CELSR3: variants seen among roughly 807,000 people sequenced by gnomAD.
The protein encoded by CELSR3 is EGF-like protein 1.
Under a neutral mutation model 270.0 loss-of-function variants are expected in CELSR3, and 73 were observed. The ratio of observed to expected loss-of-function variants is 0.27; its 90% CI spans 0.22 to 0.33. The LOEUF (loss-of-function observed/expected upper bound fraction) is 0.33. Among genes scored for constraint, CELSR3 ranks in the 10% least tolerant of loss-of-function variants. The probability of loss-of-function intolerance (pLI) is 1.00; values close to 1 mark genes in which losing one functional copy is unlikely to be tolerated. For synonymous variants in CELSR3, 1,780 were observed against 1,905.4 expected (o/e 0.93, Z 1.71); for missense variants, 3,614 against 4,533.8 (o/e 0.80, Z 5.83).
chr3:48,639,662 G>T lies in CELSR3; in HGVS notation c.9911+12C>A. Reference sequence around the variant, plus strand: ...TGATGAGGGTGCAAGCAGGTGGCTGGACCATACTTACTCTGAGTCTGGCGA... The same window carrying T: ...TGATGAGGGTGCAAGCAGGTGGCTGTACCATACTTACTCTGAGTCTGGCGA... On this transcript the variant is annotated intron_variant, in intron 34 of 34. Transcript: ENST00000164024. This position sits in a 1 kb window ranked among gnomAD's most constrained non-coding sequence, Gnocchi z 4.1. 4 of 1,612,846 alleles carry T rather than the reference G, an allele frequency of 2.5e-6. No homozygotes were observed. The highest frequency in any genetic ancestry group is 3.4e-6 in the Non-Finnish European group (4 of 1,179,652).
chr3:48,656,302 C>A lies in CELSR3; in HGVS notation c.4463G>T (p.Gly1488Val). The change falls in exon 3 of 35, where the codon GGC becomes GTC. Residue 1488 changes from glycine (G) to valine (V), a missense_variant. Coordinates refer to ENST00000164024, the MANE Select transcript of CELSR3 (RefSeq NM_001407.3). ...GCCGTTGGGCGCGTCGGTGCAGGTG[C>A]CCCCGTTGCGGCAGACGCCCGGCAC... The part of the protein sequence containing the change: ...RCVPGVCRNG[G>V]TCTDAPNGGF... The A allele has an allele frequency of 6.6e-7, 1 of 1,505,610 alleles. No homozygotes were observed. The highest frequency in any genetic ancestry group is 8.8e-7 in the Non-Finnish European group (1 of 1,136,308). The allele number at this position is 1,505,610 out of a possible 1,614,324, so 93.3% of individuals were successfully genotyped here.
rs373208615 is a variant in CELSR3, at chr3:48,660,885, T to C, written c.1750A>G (p.Ile584Val). ...KDANGLVHYN[I>V]ISGNSRGHFA... is the part of the protein sequence containing the mutation. The stretch of plus-strand genomic sequence containing the variant: ...TGTCCACGGCTATTGCCACTGATGA[T>C]GTTGTAGTGCACCAATCCGTTGGCG... Residue 584 changes from isoleucine to valine, a missense_variant, in exon 1 of 35, where the codon ATC (isoleucine) becomes GTC (valine). Coordinates refer to ENST00000164024, the MANE Select transcript of CELSR3 (RefSeq NM_001407.3). The surrounding 1 kb of genome is among the most constrained non-coding windows in gnomAD (Gnocchi z 5.5). 6.2e-7 allele frequency: 1 copy of C among 1,613,964 alleles called. No homozygotes were observed. Among genetic ancestry groups the C allele is most frequent in the Non-Finnish European group, 8.5e-7 (1 of 1,180,022 alleles).
chr3:48,641,562 G>A lies in CELSR3; in HGVS notation c.8825-38C>T, dbSNP rs2047026835. 6.8e-7 allele frequency: 1 copy of A among 1,479,804 alleles called. No individual in the cohort carries two copies. Among genetic ancestry groups the A allele is most frequent in the Admixed American group, 1.7e-5 (1 of 58,930 alleles). 91.7% of individuals were successfully genotyped at this position (1,479,804 alleles called of 1,614,324 possible). On this transcript the variant is annotated intron_variant, in intron 32 of 34. Coordinates refer to ENST00000164024, the MANE Select transcript of CELSR3 (RefSeq NM_001407.3). This position sits in a 1 kb window ranked among gnomAD's most constrained non-coding sequence, Gnocchi z 4.8. The stretch of plus-strand genomic sequence containing the variant: ...GTCAGGTTACAGGAGCTTCTGGGTT[G>A]ATCCCAGTGACTCATGACCCCTGAC...
Position 48,648,878 on chromosome 3 carries a change from C to T in CELSR3, c.6618G>A (p.Lys2206=). ...NKTALDTMEA[K]KLAQRLREVT... is the part of the protein sequence containing the mutation. ...CCTCCCGTAGCCGCTGAGCCAGCTT[C>T]TTGGCCTCCATGGTATCCAGTGCCG... Residue 2206 remains lysine (K), a synonymous_variant, in exon 18 of 35, where the codon AAG becomes AAA. Transcript: ENST00000164024. 1 of 1,612,916 alleles carries T rather than the reference C, an allele frequency of 6.2e-7. No individual in the cohort carries two copies. Among genetic ancestry groups the T allele is most frequent in the Non-Finnish European group, 8.5e-7 (1 of 1,180,012 alleles).
In CELSR3 at chr3:48,655,779, G is replaced by A. The variant is rs557008146; in HGVS notation, c.4698C>T (p.Ala1566=). The change falls in exon 4 of 35, where the codon GCC becomes GCT. Residue 1566 remains alanine, a synonymous_variant. Transcript: ENST00000164024. The surrounding 1 kb of genome is among the most constrained non-coding windows in gnomAD (Gnocchi z 5.8). The part of the protein sequence containing the change: ...GRLNEKHDFL[A]LELVAGQVRL... ...GCACTTGGCCAGCCACGAGTTCCAG[G>A]GCCAGGAAGTCGTGCTTCTCGTTCA... 5.3e-5 allele frequency: 86 copies of A among 1,613,498 alleles called. No individual in the cohort carries two copies. The East Asian group carries it at 1.9e-3, about 35-fold the overall frequency.
rs2047088845 is a variant in CELSR3 at position 48,646,832 on chromosome 3, A to G, written c.7226T>C (p.Ile2409Thr). The change falls in exon 21 of 35, where the codon ATT (isoleucine) becomes ACT (threonine). Residue 2409 changes from isoleucine (I) to threonine (T), a missense_variant. By Grantham distance (89) the Ile-to-Thr change is moderately conservative. Around this residue, in one of 7 missense-constraint regions of CELSR3, gnomAD observed 1,240 missense variants for 1,351.7 expected, o/e 0.92. Coordinates refer to ENST00000164024, the MANE Select transcript of CELSR3 (RefSeq NM_001407.3). This position sits in a 1 kb window ranked among gnomAD's most constrained non-coding sequence, Gnocchi z 4.8. ...CCCTAAGGTGCGGTAAACGAGGAGA[A>G]TGATAATGGAGATCCCAGGCTCTGG... ...PEPEPGISII[I>T]LLVYRTLGGL... 1 of 1,603,452 alleles carries G rather than the reference A, an allele frequency of 6.2e-7. No homozygotes were observed. The highest frequency in any genetic ancestry group is 1.7e-5 in the Admixed American group (1 of 58,262).
In CELSR3 at chr3:48,657,062, G is replaced by A. The variant is rs777063350; in HGVS notation, c.4035C>T (p.Pro1345=). Residue 1345 remains proline, a synonymous_variant, in exon 2 of 35, where the codon CCC becomes CCT. Transcript: ENST00000164024. This position sits in a 1 kb window ranked among gnomAD's most constrained non-coding sequence, Gnocchi z 5.4. ...CCTGCAGCTCCTCGGAGCTGAACCA[G>A]GGCCCTGCAGCGCCCGCCCCGGCCC... ...PRGAGAGAAG[P]WFSSEELQEQ... is the part of the protein sequence containing the mutation. 1 of 1,613,762 alleles carries A rather than the reference G, an allele frequency of 6.2e-7. No homozygotes were observed. The highest frequency in any genetic ancestry group is 8.5e-7 in the Non-Finnish European group (1 of 1,179,916).
chr3:48,654,132 T>C lies in CELSR3; in HGVS notation c.5153-129A>G. ...AGCCCCATTTCCCATTTTCTTTCGA[T>C]GAGTGGGGTTGGTAAGAGTCAGGCC... On this transcript the variant is annotated intron_variant, in intron 7 of 34. Coordinates refer to ENST00000164024, the MANE Select transcript of CELSR3 (RefSeq NM_001407.3). This position sits in a 1 kb window ranked among gnomAD's most constrained non-coding sequence, Gnocchi z 5.4. 1 of 1,494,390 alleles carries C rather than the reference T, an allele frequency of 6.7e-7. No individual in the cohort carries two copies. The highest frequency in any genetic ancestry group is 1.3e-5 in the South Asian group (1 of 78,956). 92.6% of individuals were successfully genotyped at this position (1,494,390 alleles called of 1,614,324 possible). A position where few individuals can be genotyped will look rare whatever the true frequency, so the allele number is the denominator to read the frequency against.
chr3:48,641,880 T>G lies in CELSR3; in HGVS notation c.8795A>C (p.Gln2932Pro). The G allele has an allele frequency of 6.5e-7, 1 of 1,527,592 alleles. No homozygotes were observed. Among genetic ancestry groups the G allele is most frequent in the Non-Finnish European group, 8.8e-7 (1 of 1,139,542 alleles). The allele number at this position is 1,527,592 out of a possible 1,614,324, so 94.6% of individuals were successfully genotyped here. The part of the protein sequence containing the change: ...RFQRPLCRAA[Q>P]SERLLTHPKD... ...GGGGTGGGTGAGGAGCCTCTCACTC[T>G]GGGCTGCTCGGCAGAGTGGCCGTTG... Residue 2932 changes from glutamine to proline, a missense_variant, in exon 32 of 35, where the codon CAG (glutamine) becomes CCG (proline). Physicochemically the swap from Gln to Pro is moderately conservative, Grantham distance 76. This residue lies in a region of CELSR3 where 1,240 missense variants were observed against 1,351.7 expected (regional missense o/e 0.92). Transcript: ENST00000164024. The surrounding 1 kb of genome is among the most constrained non-coding windows in gnomAD (Gnocchi z 4.8).
At position 48,660,282 on chromosome 3, in the gene CELSR3, C is replaced by A; in HGVS notation, c.2353G>T (p.Ala785Ser). Residue 785 changes from alanine to serine, a missense_variant, in exon 1 of 35, where the codon GCC becomes TCC. Ala to Ser is a moderately conservative substitution (Grantham distance 99, BLOSUM62 1). Coordinates refer to ENST00000164024, the MANE Select transcript of CELSR3 (RefSeq NM_001407.3). The surrounding 1 kb of genome is among the most constrained non-coding windows in gnomAD (Gnocchi z 5.5). ...VVSVTAVDRD[A>S]NSAISYQITG... Reference sequence around the variant, plus strand: ...ATCTGGTAGCTGATGGCACTGTTGGCATCACGGTCTACTGCGGTCACGCTG... The same window carrying A: ...ATCTGGTAGCTGATGGCACTGTTGGAATCACGGTCTACTGCGGTCACGCTG... 1 of 1,614,156 alleles carries A rather than the reference C, an allele frequency of 6.2e-7. No individual in the cohort carries two copies. Among genetic ancestry groups the A allele is most frequent in the Non-Finnish European group, 8.5e-7 (1 of 1,180,030 alleles).
rs1401036088 is a variant in CELSR3, at chr3:48,641,448, A to G, written c.8901T>C (p.Thr2967=). The G allele has an allele frequency of 6.2e-7, 1 of 1,612,318 alleles. No individual in the cohort carries two copies. The change falls in exon 33 of 35, where the codon ACT becomes ACC. Residue 2967 remains threonine (T), a synonymous_variant. Coordinates refer to ENST00000164024, the MANE Select transcript of CELSR3 (RefSeq NM_001407.3). This position sits in a 1 kb window ranked among gnomAD's most constrained non-coding sequence, Gnocchi z 4.8. The part of the protein sequence containing the change: ...ECEAAPCALQ[T]WGSERRLGLD... ...GCCCCAGGCGCCTTTCAGAGCCCCA[A>G]GTCTGCAGAGCACAGGGGGCTGCCT...
At position 48,653,559 on chromosome 3, in the gene CELSR3, G is replaced by A. The variant is rs1250367658; in HGVS notation, c.5448+60C>T. On this transcript the variant is annotated intron_variant, in intron 9 of 34. Transcript: ENST00000164024. This position sits in a 1 kb window ranked among gnomAD's most constrained non-coding sequence, Gnocchi z 6.5. Reference sequence around the variant, plus strand: ...GTGACCAACCTGAACCCACAAGAATGTCAGTGGCGGCCTAAGAGACTGAGA... The same window carrying A: ...GTGACCAACCTGAACCCACAAGAATATCAGTGGCGGCCTAAGAGACTGAGA... 6.4e-7 allele frequency: 1 copy of A among 1,570,752 alleles called. No homozygotes were observed. Among genetic ancestry groups the A allele is most frequent in the Non-Finnish European group, 8.7e-7 (1 of 1,151,244 alleles).
chr3:48,642,857 G>A lies in CELSR3; in HGVS notation c.8434C>T (p.Leu2812Phe), dbSNP rs780345420. 3.7e-6 allele frequency: 6 copies of A among 1,613,150 alleles called. No homozygotes were observed. The highest frequency in any genetic ancestry group is 1.7e-5 in the Admixed American group (1 of 59,996). Residue 2812 changes from leucine to phenylalanine, a missense_variant, in exon 30 of 35, where the codon CTC (leucine) becomes TTC (phenylalanine). Leu to Phe is a conservative substitution (Grantham distance 22). Coordinates refer to ENST00000164024, the MANE Select transcript of CELSR3 (RefSeq NM_001407.3). This position sits in a 1 kb window ranked among gnomAD's most constrained non-coding sequence, Gnocchi z 6.1. ...CGGATGAGGCCACTCTCCTCAAAGA[G>A]AGCCGTGTTGTTGTAGGCCCCAGGT... The part of the protein sequence containing the change: ...LGPGAYNNTA[L>F]FEESGLIRIT...
In CELSR3 at chr3:48,662,255, T is replaced by A; in HGVS notation, c.380A>T (p.Gln127Leu). The change falls in exon 1 of 35, where the codon CAG becomes CTG. Residue 127 changes from glutamine (Q) to leucine (L), a missense_variant. This residue lies in a region of CELSR3 where 470 missense variants were observed against 469.7 expected (regional missense o/e 1.00). Transcript: ENST00000164024. The surrounding 1 kb of genome is among the most constrained non-coding windows in gnomAD (Gnocchi z 7.1). ...PLGSRERETG[Q>L]GPGSVLYWRP... Reference sequence around the variant, plus strand: ...CCAGTATAACACAGACCCTGGTCCCTGTCCTGTCTCTCGTTCGCGGCTGCC... The same window carrying A: ...CCAGTATAACACAGACCCTGGTCCCAGTCCTGTCTCTCGTTCGCGGCTGCC... The A allele has an allele frequency of 4.3e-6, 7 of 1,613,152 alleles. No homozygotes were observed. Among genetic ancestry groups the A allele is most frequent in the Non-Finnish European group, 5.9e-6 (7 of 1,180,030 alleles).
Position 48,651,351 on chromosome 3 carries a change from A to G in CELSR3, c.6186+8T>C. ...AGGAAGGGTTAAAAGGTCAGGGGCC[A>G]GGCGCACCTTGCAGTGACACTGCCC... On this transcript the variant is annotated splice_region_variant and intron_variant, in intron 14 of 34. Coordinates refer to ENST00000164024, the MANE Select transcript of CELSR3 (RefSeq NM_001407.3). This position sits in a 1 kb window ranked among gnomAD's most constrained non-coding sequence, Gnocchi z 7.4. The G allele has an allele frequency of 6.2e-7, 1 of 1,613,958 alleles. No individual in the cohort carries two copies. Among genetic ancestry groups the G allele is most frequent in the Non-Finnish European group, 8.5e-7 (1 of 1,179,892 alleles).
At chr3:48,648,238 G>GGCCCCCCCCCAC in intron 19 of CELSR3, 28 bp downstream of exon 19, 3 of 1,342,624 alleles carry the variant, frequency 2.2e-6, no homozygotes, top group Non-Finnish European at 2.1e-6. Flanking sequence ...CCCCTGCTGT[G>GGCCCCCCCCCAC]CCCCGCCCTA....
At position 48,641,131 on chromosome 3, in the gene CELSR3, G is replaced by T. The variant is rs1264716019; in HGVS notation, c.9025+193C>A. On this transcript the variant is annotated intron_variant, in intron 33 of 34. Coordinates refer to ENST00000164024, the MANE Select transcript of CELSR3 (RefSeq NM_001407.3). This position sits in a 1 kb window ranked among gnomAD's most constrained non-coding sequence, Gnocchi z 4.8. ...CCCCTGTGGTGCTGGCCAGGGTAGA[G>T]GGGGACAGAGAATTCCCAGGTCAGG... The T allele has an allele frequency of 3.4e-6, 2 of 591,610 alleles. No individual in the cohort carries two copies. The highest frequency in any genetic ancestry group is 6.0e-6 in the Non-Finnish European group (2 of 330,828). The allele number at this position is 591,610 out of a possible 1,614,324, so 36.6% of individuals were successfully genotyped here.
intron 19 of CELSR3, 94 bp downstream of exon 19, chr3:48,648,172 A>C: frequency 6.9e-7 from 1 of 1,454,800 alleles, no homozygotes; most frequent in Non-Finnish European, 9.4e-7. Context: ...TGCCATTAAC[A>C]TTGGCATTGA....
rs954045968 is a variant in CELSR3 at position 48,645,971 on chromosome 3, A to G, written c.7464-103T>C. The G allele has an allele frequency of 1.3e-6, 2 of 1,570,802 alleles. No homozygotes were observed. The highest frequency in any genetic ancestry group is 1.8e-4 in the Middle Eastern group (1 of 5,712). ...AGGGTGCCTGGAGTTGGGGTACAGC[A>G]TTCCTCATGGTCCGGGTTGCACAAC... On this transcript the variant is annotated intron_variant, in intron 22 of 34. Coordinates refer to ENST00000164024, the MANE Select transcript of CELSR3 (RefSeq NM_001407.3). The surrounding 1 kb of genome is among the most constrained non-coding windows in gnomAD (Gnocchi z 5.4).
Sources: gnomAD v4.1 joint callset for allele counts on GRCh38, gnomAD v4.1.1 for gene constraint, gnomAD v4.1.1 regional missense constraint, Gnocchi (gnomAD v3.1) non-coding constraint, MANE v1.5 for transcripts, NCBI Gene and HGNC (gene_info 2026-07-23, HGNC 2026-07-21) for gene names.